ZNF831: variants seen among roughly 807,000 people sequenced by gnomAD.
ZNF831 encodes zinc finger protein 831, also known as chromosome 20 open reading frame 174.
A neutral mutation model predicts 95.8 loss-of-function variants in ZNF831; 59 were observed. The ratio of observed to expected loss-of-function variants is 0.62; its 90% confidence interval spans 0.50 to 0.77. The LOEUF is 0.77. Among genes scored for constraint, ZNF831 ranks in the 30% least tolerant of loss-of-function variants. The probability of loss-of-function intolerance (pLI) is 0.00; values close to 1 mark genes in which losing one functional copy is unlikely to be tolerated. For synonymous variants in ZNF831, 961 were observed against 925.5 expected (o/e 1.04, Z -0.70); for missense variants, 2,205 against 2,164.0 (o/e 1.02, Z -0.38).
At chr20:59,246,260 A>T (rs904123831) in intron 4 of ZNF831, among the ~76,000 whole-genome samples, 1 of 152,130 alleles carries the variant, frequency 6.6e-6, no homozygotes, top group Non-Finnish European at 1.5e-5. Context: ...ATCTTTTCTC[A>T]TTAGAATTAA....
At chr20:59,182,905 C>G (rs1568744158) in intron 1 of ZNF831, among the ~76,000 whole-genome samples, 2 of 152,202 alleles carry the variant, frequency 1.3e-5, no homozygotes, top group Non-Finnish European at 2.9e-5. Flanking sequence ...CTCAGAGACC[C>G]TTCCAGACCC....
chr20:59,177,615 C>T (rs985688096), intron 1 of ZNF831, among the ~76,000 whole-genome samples: 1 of 152,130 alleles, frequency 6.6e-6, no homozygotes, highest in Non-Finnish European at 1.5e-5. Flanking sequence ...ATGGAGCTGA[C>T]ATTCTTGTTA....
At chr20:59,196,192 C>T (rs193098865) in intron 3 of ZNF831, among the ~76,000 whole-genome samples, 187 bp downstream of exon 3, 41 of 152,250 alleles carry the variant, frequency 2.7e-4, no homozygotes, top group African/African-American at 9.1e-4. Context: ...TTTGATGGCA[C>T]CTTTCTAAGG....
At chr20:59,248,119 A>G (rs1362480937) in intron 4 of ZNF831, among the ~76,000 whole-genome samples, 4 of 152,246 alleles carry the variant, frequency 2.6e-5, no homozygotes, top group Non-Finnish European at 5.9e-5. Flanking sequence ...AATCAGGGAA[A>G]GAACAGCACG....
At chr20:59,205,804 G>T (rs2146634612) in intron 3 of ZNF831, among the ~76,000 whole-genome samples, 1 of 152,326 alleles carries the variant, frequency 6.6e-6, no homozygotes, top group Non-Finnish European at 1.5e-5. Flanking sequence ...CATATTGCAG[G>T]CCTGGCTCTT....
intron 4 of ZNF831, among the ~76,000 whole-genome samples, chr20:59,212,348 A>C (rs2146652087): frequency 6.6e-6 from 1 of 152,332 alleles, no homozygotes; most frequent in Non-Finnish European, 1.5e-5. Context: ...CTACCGTGTA[A>C]GATTGTACAT....
intron 4 of ZNF831, among the ~76,000 whole-genome samples, chr20:59,240,597 G>A (rs796506653): frequency 6.6e-6 from 1 of 151,480 alleles, no homozygotes; most frequent in Admixed American, 6.6e-5. Flanking sequence ...GTCAGGAGAT[G>A]GAGACCATCC....
intron 4 of ZNF831, among the ~76,000 whole-genome samples, chr20:59,245,149 T>G (rs1987527569): frequency 6.6e-6 from 1 of 152,240 alleles, no homozygotes; most frequent in Admixed American, 6.5e-5. Context: ...TGTGAGTTTC[T>G]TAAATAACAA....
In ZNF831 at chr20:59,193,117, G is replaced by A. The variant is rs1242022317; in HGVS notation, c.2098G>A (p.Glu700Lys). Residue 700 changes from glutamate to lysine, a missense_variant, in exon 2 of 6, where the codon GAG becomes AAG. Physicochemically the swap from Glu to Lys is moderately conservative, Grantham distance 56. Coordinates refer to ENST00000371030, the MANE Select transcript of ZNF831 (RefSeq NM_178457.3). The stretch of plus-strand genomic sequence containing the variant: ...GCCTTGGGGAAATCCACCAGCCCTG[G>A]AGGCCTCCTTGGTGACTGAACCCAC... ...PEPWGNPPAL[E>K]ASLVTEPTKH... is the part of the protein sequence containing the mutation. 11 of 1,588,642 alleles carry A rather than the reference G, an allele frequency of 6.9e-6. No individual in the cohort carries two copies. Among genetic ancestry groups the A allele is most frequent in the Non-Finnish European group, 9.4e-6 (11 of 1,167,320 alleles).
Position 59,192,626 on chromosome 20 carries a change from G to C in ZNF831, c.1607G>C (p.Arg536Thr), listed in dbSNP as rs1375724222. The C allele has an allele frequency of 2.0e-6, 3 of 1,501,422 alleles. No individual in the cohort carries two copies. Among genetic ancestry groups the C allele is most frequent in the East Asian group, 2.4e-5 (1 of 42,444 alleles). 93.0% of individuals were successfully genotyped at this position (1,501,422 alleles called of 1,614,324 possible). A position where few individuals can be genotyped will look rare whatever the true frequency, so the allele number is the denominator to read the frequency against. The change falls in exon 2 of 6, where the codon AGG becomes ACG. Residue 536 changes from arginine to threonine, a missense_variant. Coordinates refer to ENST00000371030, the MANE Select transcript of ZNF831 (RefSeq NM_178457.3). The surrounding 1 kb of genome is among the most constrained non-coding windows in gnomAD (Gnocchi z 5.2). The part of the protein sequence containing the change: ...WSRTQKPLSP[R>T]PGPARLGCRS... Reference sequence around the variant, plus strand: ...AGGACGCAGAAGCCTCTGAGCCCCAGGCCCGGCCCAGCCCGCCTGGGCTGC... The same window carrying C: ...AGGACGCAGAAGCCTCTGAGCCCCACGCCCGGCCCAGCCCGCCTGGGCTGC...
rs562406781 is a variant in ZNF831 at position 59,166,214 on chromosome 20, C to T, written c.-37+2007C>T. ...GAAAGGAAAATGGTCTGTGCAGAGT[C>T]GGTGTTTCTCCAAGGGTAGGCTGTG... is the stretch of plus-strand genomic sequence containing the variant. On this transcript the variant is annotated intron_variant, in intron 1 of 5. Coordinates refer to ENST00000371030, the MANE Select transcript of ZNF831 (RefSeq NM_178457.3). Among the ~76,000 whole-genome samples, 5 of 152,180 alleles carry T rather than the reference C, an allele frequency of 3.3e-5. No homozygotes were observed. In the East Asian group the frequency reaches 7.7e-4, roughly 24 times the overall value.
chr20:59,191,516 A>T lies in ZNF831; in HGVS notation c.497A>T (p.His166Leu). ...GTTCTAGAGAAGCACATCCGGTCCCACACGGGTGAGAGGCCCTTCCCGTGT... is the reference window on the plus strand; with the variant it reads ...GTTCTAGAGAAGCACATCCGGTCCCTCACGGGTGAGAGGCCCTTCCCGTGT... ...PSVLEKHIRS[H>L]TGERPFPCAT... The change falls in exon 2 of 6, where the codon CAC (histidine) becomes CTC (leucine). Residue 166 changes from histidine (H) to leucine (L), a missense_variant. Transcript: ENST00000371030. 6.2e-7 allele frequency: 1 copy of T among 1,613,166 alleles called. No homozygotes were observed. Among genetic ancestry groups the T allele is most frequent in the African/African-American group, 1.3e-5 (1 of 75,072 alleles).
intron 1 of ZNF831, among the ~76,000 whole-genome samples, chr20:59,129,058 C>T (rs1245271077): frequency 3.9e-5 from 6 of 152,216 alleles, no homozygotes; most frequent in African/African-American, 1.2e-4. Flanking sequence ...GCCACCGTGC[C>T]TGGCCTATTT....
intron 3 of ZNF831, among the ~76,000 whole-genome samples, chr20:59,202,837 C>T (rs867200190): frequency 6.6e-6 from 1 of 152,196 alleles, no homozygotes; most frequent in Non-Finnish European, 1.5e-5. Flanking sequence ...CAGGGCGCAG[C>T]TCTCACTTGG....
intron 1 of ZNF831, among the ~76,000 whole-genome samples, chr20:59,164,718 T>C (rs569883592): frequency 9.7e-4 from 148 of 152,292 alleles, no homozygotes; most frequent in Non-Finnish European, 1.7e-3. Flanking sequence ...CATTTTTCAA[T>C]GAGATTTACA....
chr20:59,195,904 G>C lies in ZNF831; in HGVS notation c.3774G>C (p.Gln1258His). ...SYPTVPGVMP[Q>H]HQVSEPEWKK... is the part of the protein sequence containing the mutation. ...CAACAGTCCCAGGGGTGATGCCCCA[G>C]CACCAGGTGTCTGAGCCAGAATGGA... Residue 1258 changes from glutamine to histidine, a missense_variant, in exon 3 of 6, where the codon CAG (glutamine) becomes CAC (histidine). Transcript: ENST00000371030. 1 of 1,614,178 alleles carries C rather than the reference G, an allele frequency of 6.2e-7. No homozygotes were observed. Among genetic ancestry groups the C allele is most frequent in the Non-Finnish European group, 8.5e-7 (1 of 1,180,026 alleles).
chr20:59,241,359 GA>G (rs769396068), intron 4 of ZNF831, among the ~76,000 whole-genome samples: 2,608 of 145,096 alleles, frequency 0.018, 70 homozygotes, highest in African/African-American at 0.06. Context: ...GGCTTTTGCT[GA>G]AAAAAAAAAA....
chr20:59,153,882 G>C (rs1425794587), intron 2 of ZNF831, among the ~76,000 whole-genome samples: 3 of 152,198 alleles, frequency 2.0e-5, no homozygotes, highest in Non-Finnish European at 4.4e-5. Flanking sequence ...CCTTCAAGGA[G>C]CACATGGTCT....
rs1256939780 is a variant in ZNF831 at position 59,225,912 on chromosome 20, C to T, written c.4027+18856C>T. ...GTGATGAAAGAGCCCAGGGTAGCTC[C>T]AGCTGGATCCAGGGATGTAAACAAT... is the stretch of plus-strand genomic sequence containing the variant. On this transcript the variant is annotated intron_variant, in intron 4 of 5. Coordinates refer to ENST00000371030, the MANE Select transcript of ZNF831 (RefSeq NM_178457.3). Among the ~76,000 whole-genome samples the T allele has an allele frequency of 2.0e-5, 3 of 152,206 alleles. No homozygotes were observed. The East Asian group carries it at 5.8e-4, about 29-fold the overall frequency.
Sources: allele counts gnomAD v4.1 joint callset (sites outside exome capture counted in the v4.1 genomes callset), GRCh38; gene constraint gnomAD v4.1.1; non-coding constraint Gnocchi (gnomAD v3.1); transcripts MANE v1.5; gene names NCBI Gene and HGNC (gene_info 2026-07-23, HGNC 2026-07-21).